Variants in SMAD2 observed in about 807,000 individuals in gnomAD.
The protein encoded by SMAD2 is SMAD family member 2, also known as MAD homolog 2.
Under a neutral mutation model 64.4 loss-of-function variants are expected in SMAD2, and 8 were observed. The ratio of observed to expected loss-of-function variants is 0.12; its 90% confidence interval spans 0.07 to 0.22. SMAD2 has a LOEUF of 0.22. Ranked by LOEUF, SMAD2 falls within the 10% of genes least tolerant of loss-of-function variation. The pLI, the probability that SMAD2 is intolerant of heterozygous loss-of-function variation, is 1.00. For missense variants in SMAD2, 289 were observed against 561.2 expected, an observed-to-expected ratio of 0.51 and a Z score of 4.90; for synonymous variants, 203 against 195.8, an observed-to-expected ratio of 1.04 and a Z score of -0.31.
chr18:47,862,089 G>A (rs551429697), intron 6 of SMAD2, among the ~76,000 whole-genome samples: 14 of 152,030 alleles, frequency 9.2e-5, no homozygotes, highest in Non-Finnish European at 1.6e-4. Flanking sequence ...AACTGTCTAG[G>A]AGTACAAAAA....
At position 47,840,599 on chromosome 18, in the gene SMAD2, A is replaced by C. The variant is rs1180476564; in HGVS notation, c.*1228T>G. The C allele has an allele frequency of 8.6e-6, 2 of 231,856 alleles. No homozygotes were observed. Among genetic ancestry groups the C allele is most frequent in the Non-Finnish European group, 1.7e-5 (2 of 117,274 alleles). The allele number at this position is 231,856 out of a possible 1,614,324, so 14.4% of individuals were successfully genotyped here. A position where few individuals can be genotyped will look rare whatever the true frequency, so the allele number is the denominator to read the frequency against. ...TCAATTTATAAACTGAATACAACAT[A>C]CTTTAAAAACAGATGGCCCATATCT... On this transcript the variant is annotated 3_prime_UTR_variant, in exon 11 of 11. Transcript: ENST00000262160.
rs1463608788 is a variant in SMAD2 at position 47,837,973 on chromosome 18, TGAA to T, written c.*3851_*3853del. 1 of 232,652 alleles carries T rather than the reference TGAA, an allele frequency of 4.3e-6. No individual in the cohort carries two copies. Among genetic ancestry groups the T allele is most frequent in the African/African-American group, 2.2e-5 (1 of 45,412 alleles). 14.4% of individuals were successfully genotyped at this position (232,652 alleles called of 1,614,324 possible). ...CTCAGACGAAGAGGGTATCTAACAC[TGAA>T]TAAATGCTGAACCTATTTAGTAGTT... On this transcript the variant is annotated 3_prime_UTR_variant, in exon 11 of 11. Transcript: ENST00000262160.
At chr18:47,870,708 T>TA (rs2031878074) in intron 2 of SMAD2, 144 bp from the exon 3 acceptor site, 1 of 703,210 alleles carries the variant, frequency 1.4e-6, no homozygotes, top group Non-Finnish European at 2.6e-6. Flanking sequence ...CACAGGCATG[T>TA]AGTGCTGGTT....
At chr18:47,912,953 CTTG>C (rs1393662261) in intron 1 of SMAD2, among the ~76,000 whole-genome samples, 5 of 147,166 alleles carry the variant, frequency 3.4e-5, no homozygotes, top group African/African-American at 1.0e-4. Context: ...GAGTTTCACT[CTTG>C]TTGCCCAGGT....
rs543170666 is a variant in SMAD2, at chr18:47,845,524, T to G, written c.1136-40A>C. On this transcript the variant is annotated intron_variant, in intron 9 of 10. Coordinates refer to ENST00000262160, the MANE Select transcript of SMAD2 (RefSeq NM_005901.6). ...GGTAAAAGAAATTGTCAAAAGAGTA[T>G]CATTATTAAAAAGTAATTTTAAAAG... is the stretch of plus-strand genomic sequence containing the variant. 4 of 1,598,784 alleles carry G rather than the reference T, an allele frequency of 2.5e-6. No homozygotes were observed. In the Admixed American group the frequency reaches 5.0e-5, roughly 20 times the overall value.
rs1313676232 is a variant in SMAD2 at position 47,826,082 on chromosome 18, G to A, written c.*15745C>T. ...ACTTCCAGTCATGTGATAATGGCCA[G>A]GAGCAACCACAATGATTAACCTTTA... On this transcript the variant is annotated 3_prime_UTR_variant, in exon 11 of 11. Coordinates refer to ENST00000262160, the MANE Select transcript of SMAD2 (RefSeq NM_005901.6). 1.3e-5 allele frequency: 2 copies of A among 152,200 alleles called. No homozygotes were observed. Among genetic ancestry groups the A allele is most frequent in the Non-Finnish European group, 2.9e-5 (2 of 68,040 alleles). The allele number at this position is 152,200 out of a possible 1,614,324, so 9.4% of individuals were successfully genotyped here.
rs1014041091 is a variant in SMAD2 at position 47,831,028 on chromosome 18, G to A, written c.*10799C>T. On this transcript the variant is annotated 3_prime_UTR_variant, in exon 11 of 11. Transcript: ENST00000262160. ...CTCATTCCACAGGTAGCCCGTTCTT[G>A]GCTGGGTTATGGCTTGTAATCTCAG... 1 of 152,340 alleles carries A rather than the reference G, an allele frequency of 6.6e-6. No individual in the cohort carries two copies. The highest frequency in any genetic ancestry group is 2.4e-5 in the African/African-American group (1 of 41,438). 9.4% of individuals were successfully genotyped at this position (152,340 alleles called of 1,614,324 possible). A position where few individuals can be genotyped will look rare whatever the true frequency, so the allele number is the denominator to read the frequency against.
At chr18:47,848,120 A>AAAAAC (rs1207774329) in intron 8 of SMAD2, among the ~76,000 whole-genome samples, 1 of 151,488 alleles carries the variant, frequency 6.6e-6, no homozygotes, top group African/African-American at 2.5e-5. Flanking sequence ...GAAAAAAAAC[A>AAAAAC]AAAACAAAAC....
rs538243784 is a variant in SMAD2, at chr18:47,813,085, G to C, written c.*28742C>G. On this transcript the variant is annotated 3_prime_UTR_variant, in exon 11 of 11. Transcript: ENST00000262160. ...ACAAAAATTAGCCAGGTGTGGTGGC[G>C]GGCACCTGCAATCCCAGCTACTCAA... The C allele has an allele frequency of 5.3e-5, 8 of 152,070 alleles. No homozygotes were observed. The highest frequency in any genetic ancestry group is 1.9e-4 in the African/African-American group (8 of 41,384). 9.4% of individuals were successfully genotyped at this position (152,070 alleles called of 1,614,324 possible). A position where few individuals can be genotyped will look rare whatever the true frequency, so the allele number is the denominator to read the frequency against.
intron 7 of SMAD2, 33 bp from the exon 8 acceptor site, chr18:47,848,720 GGAA>G (rs748909386): frequency 2.8e-6 from 4 of 1,443,590 alleles, no homozygotes; most frequent in Non-Finnish European, 1.9e-6. Context: ...AATAATAAAA[GGAA>G]GAAATGCGTG....
rs1912397128 is a variant in SMAD2 at position 47,817,063 on chromosome 18, TGACATGC to T, written c.*24757_*24763del. The T allele has an allele frequency of 2.0e-5, 3 of 151,958 alleles. No homozygotes were observed. The highest frequency in any genetic ancestry group is 7.3e-5 in the African/African-American group (3 of 41,368). 9.4% of individuals were successfully genotyped at this position (151,958 alleles called of 1,614,324 possible). On this transcript the variant is annotated 3_prime_UTR_variant, in exon 11 of 11. Transcript: ENST00000262160. ...GGCATAAGCCACCGCGCACGGCCCA[TGACATGC>T]GTATTTCTACAGCAATGCTGTATTC...
intron 2 of SMAD2, among the ~76,000 whole-genome samples, chr18:47,877,064 G>C (rs2032306353): frequency 6.6e-6 from 1 of 151,866 alleles, no homozygotes; most frequent in Non-Finnish European, 1.5e-5. Context: ...ATATCTGCAA[G>C]ATTTACTGCT....
chr18:47,903,948 GAA>G lies in SMAD2; in HGVS notation c.-53-7141_-53-7140del, dbSNP rs1197300084. Among the ~76,000 whole-genome samples, 5 of 148,622 alleles carry G rather than the reference GAA, an allele frequency of 3.4e-5. No individual in the cohort carries two copies. The East Asian group carries it at 1.0e-3, about 30-fold the overall frequency. ...TTTAATTGGGGTGCCAGAGAAAGATGAAAGACAATGGGGAACAAAAAAATGTA... is the reference window on the plus strand; with the variant it reads ...TTTAATTGGGGTGCCAGAGAAAGATGAGACAATGGGGAACAAAAAAATGTA... On this transcript the variant is annotated intron_variant, in intron 1 of 10. Coordinates refer to ENST00000262160, the MANE Select transcript of SMAD2 (RefSeq NM_005901.6).
chr18:47,837,561 C>CAAA lies in SMAD2; in HGVS notation c.*4263_*4265dup, dbSNP rs59129117. On this transcript the variant is annotated 3_prime_UTR_variant, in exon 11 of 11. Coordinates refer to ENST00000262160, the MANE Select transcript of SMAD2 (RefSeq NM_005901.6). ...TGGGCAACAGAGCGAGACTCCCTCT[C>CAAA]AAAAAAAAAAAAAAAAAACAAAAAA... 6.0e-3 allele frequency: 919 copies of CAAA among 154,306 alleles called. 8 individuals carry two copies. The highest frequency in any genetic ancestry group is 7.8e-3 in the East Asian group (87 of 11,112). 9.6% of individuals were successfully genotyped at this position (154,306 alleles called of 1,614,324 possible).
intron 1 of SMAD2, among the ~76,000 whole-genome samples, chr18:47,917,490 A>C (rs1477450996): frequency 2.0e-5 from 3 of 152,094 alleles, no homozygotes; most frequent in Non-Finnish European, 2.9e-5. Flanking sequence ...CTTATTTTCT[A>C]CCATCTTATT....
intron 6 of SMAD2, among the ~76,000 whole-genome samples, chr18:47,859,570 A>G (rs1293577551): frequency 2.6e-5 from 4 of 152,206 alleles, no homozygotes; most frequent in Non-Finnish European, 4.4e-5. Flanking sequence ...TAACTCATGA[A>G]TCAAGAAGAA....
chr18:47,859,618 T>A (rs1357775863), intron 6 of SMAD2, among the ~76,000 whole-genome samples: 1 of 152,050 alleles, frequency 6.6e-6, no homozygotes, highest in Non-Finnish European at 1.5e-5. Flanking sequence ...AACATAAAAT[T>A]TGTAATATAG....
intron 6 of SMAD2, among the ~76,000 whole-genome samples, chr18:47,859,917 A>T (rs1482261100): frequency 6.6e-6 from 1 of 152,208 alleles, no homozygotes; most frequent in African/African-American, 2.4e-5. Flanking sequence ...ATCAGAAATA[A>T]CTTTATATCA....
rs1434936651 is a variant in SMAD2 at position 47,821,651 on chromosome 18, G to C, written c.*20176C>G. The C allele has an allele frequency of 1.3e-5, 2 of 152,058 alleles. No individual in the cohort carries two copies. Among genetic ancestry groups the C allele is most frequent in the Non-Finnish European group, 2.9e-5 (2 of 68,022 alleles). 9.4% of individuals were successfully genotyped at this position (152,058 alleles called of 1,614,324 possible). On this transcript the variant is annotated 3_prime_UTR_variant, in exon 11 of 11. Transcript: ENST00000262160. ...TTCAACTTTCAGTATATCCAAATAG[G>C]CTTCCCATAAGTAAAGGCAGTCACA...
Sources: allele counts gnomAD v4.1 joint callset (sites outside exome capture counted in the v4.1 genomes callset), GRCh38; gene constraint gnomAD v4.1.1; transcripts MANE v1.5; gene names NCBI Gene and HGNC (gene_info 2026-07-23, HGNC 2026-07-21).